The following SCAPER variants were observed in gnomAD, a reference collection of about 807,000 sequenced individuals.
SCAPER encodes S phase cyclin A-associated protein in the endoplasmic reticulum.
Under a neutral mutation model 182.2 loss-of-function variants are expected in SCAPER, and 98 were observed. The ratio of observed to expected loss-of-function variants is 0.54; its 90% CI spans 0.46 to 0.64. SCAPER has a LOEUF of 0.64. SCAPER is among the 30% of genes least tolerant of loss of function. The pLI, the probability that SCAPER is intolerant of heterozygous loss-of-function variation, is 0.00. For synonymous variants in SCAPER, 605 were observed against 564.6 expected, an observed-to-expected ratio of 1.07 and a Z score of -1.01; for missense variants, 1,432 against 1,690.0, an observed-to-expected ratio of 0.85 and a Z score of 2.68.
At chr15:76,675,376 T>C (rs763732135) in intron 20 of SCAPER, among the ~76,000 whole-genome samples, 13 of 152,180 alleles carry the variant, frequency 8.5e-5, no homozygotes, top group Non-Finnish European at 1.9e-4. Context: ...TGAAATCTGT[T>C]ATAAGGATAG....
intron 6 of SCAPER, 116 bp from the exon 7 acceptor site, chr15:76,800,480 C>T (rs2065695394): frequency 4.3e-6 from 3 of 691,172 alleles, no homozygotes; most frequent in East Asian, 2.7e-5. Flanking sequence ...ACAACAACAA[C>T]AAAAAGTCAC....
chr15:76,659,517 G>T (rs1365160232), intron 21 of SCAPER, among the ~76,000 whole-genome samples: 1 of 152,134 alleles, frequency 6.6e-6, no homozygotes. Flanking sequence ...CAATCCTCCT[G>T]CCACAGCCTC....
chr15:76,364,478 A>G (rs555285581), intron 29 of SCAPER, among the ~76,000 whole-genome samples: 1 of 152,164 alleles, frequency 6.6e-6, no homozygotes, highest in Non-Finnish European at 1.5e-5. Context: ...TGCTAAAGAA[A>G]CAAGGGCTTT....
At chr15:76,732,022 C>T (rs898699333) in intron 16 of SCAPER, among the ~76,000 whole-genome samples, 4 of 152,186 alleles carry the variant, frequency 2.6e-5, no homozygotes, top group African/African-American at 9.7e-5. Flanking sequence ...GCTGATGATT[C>T]TATTGCTATG....
chr15:76,505,807 C>G (rs553006574), intron 23 of SCAPER, among the ~76,000 whole-genome samples: 1 of 152,268 alleles, frequency 6.6e-6, no homozygotes, highest in Admixed American at 6.5e-5. Context: ...TTTACTACAG[C>G]ACTATTCACA....
intron 2 of SCAPER, among the ~76,000 whole-genome samples, chr15:76,873,007 TG>T (rs1253752966): frequency 6.7e-6 from 1 of 148,528 alleles, no homozygotes; most frequent in Admixed American, 6.9e-5. Flanking sequence ...CCCAACACTC[TG>T]GGAGACTAAG....
At chr15:76,393,996 T>C (rs1388728118) in intron 27 of SCAPER, among the ~76,000 whole-genome samples, 1 of 152,216 alleles carries the variant, frequency 6.6e-6, no homozygotes, top group South Asian at 2.1e-4. Context: ...TCTCCGTACC[T>C]TAAAAGAATT....
At chr15:76,652,964 C>G (rs944724090) in intron 21 of SCAPER, among the ~76,000 whole-genome samples, 6 of 151,980 alleles carry the variant, frequency 3.9e-5, no homozygotes, top group African/African-American at 1.2e-4. Flanking sequence ...GATTCTACAC[C>G]TAGGAAATCA....
At chr15:76,632,192 T>C (rs989164766) in intron 21 of SCAPER, among the ~76,000 whole-genome samples, 1 of 152,040 alleles carries the variant, frequency 6.6e-6, no homozygotes, top group African/African-American at 2.4e-5. Context: ...GGTAACGGTT[T>C]TTTGTTTGTT....
At position 76,838,650 on chromosome 15, in the gene SCAPER, A is replaced by G. The variant is rs572637881; in HGVS notation, c.393+3084T>C. Among the ~76,000 whole-genome samples, 5 of 152,326 alleles carry G rather than the reference A, an allele frequency of 3.3e-5. No homozygotes were observed. In the East Asian group the frequency reaches 9.6e-4, roughly 29 times the overall value. On this transcript the variant is annotated intron_variant, in intron 5 of 31. Transcript: ENST00000563290. Reference sequence around the variant, plus strand: ...CTCTAAGATGCAGGTGCCAGTCTCTATATCCAAAAGTGTCCCCAAGCCTCC... The same window carrying G: ...CTCTAAGATGCAGGTGCCAGTCTCTGTATCCAAAAGTGTCCCCAAGCCTCC...
chr15:76,425,472 C>A (rs56089215), intron 26 of SCAPER, among the ~76,000 whole-genome samples: 60,485 of 152,094 alleles, frequency 0.4, 14,361 homozygotes, highest in Middle Eastern at 0.55. Context: ...TCCATCAGGT[C>A]ACTTAAGGAC....
intron 29 of SCAPER, among the ~76,000 whole-genome samples, chr15:76,374,359 G>C (rs1324323299): frequency 6.6e-6 from 1 of 152,004 alleles, no homozygotes; most frequent in Non-Finnish European, 1.5e-5. Flanking sequence ...CTGCACTCTA[G>C]CCTGGGTGAC....
At chr15:76,652,276 ATATATATATATAT>A (rs1161219456) in intron 21 of SCAPER, among the ~76,000 whole-genome samples, 2 of 9,872 alleles carry the variant, frequency 2.0e-4, no homozygotes, top group African/African-American at 4.4e-4. Flanking sequence ...AAAAAAAAAT[ATATATATATATAT>A]ATATATATAT....
intron 22 of SCAPER, among the ~76,000 whole-genome samples, chr15:76,587,650 T>A (rs1247552418): frequency 6.6e-6 from 1 of 152,172 alleles, no homozygotes; most frequent in African/African-American, 2.4e-5. Flanking sequence ...ACAGAGTACA[T>A]GATATAATTT....
At chr15:76,759,003 A>G (rs1318623728) in intron 14 of SCAPER, among the ~76,000 whole-genome samples, 1 of 152,150 alleles carries the variant, frequency 6.6e-6, no homozygotes, top group Non-Finnish European at 1.5e-5. Context: ...AAGGTTTTCT[A>G]TATTTATGAT....
chr15:76,627,394 G>A (rs1405732058), intron 21 of SCAPER, among the ~76,000 whole-genome samples: 2 of 151,736 alleles, frequency 1.3e-5, no homozygotes, highest in East Asian at 3.9e-4. Flanking sequence ...CATCACCTAG[G>A]TATTAAGCCC....
intron 17 of SCAPER, among the ~76,000 whole-genome samples, chr15:76,710,682 T>C (rs796632925): frequency 3.5e-4 from 54 of 152,222 alleles, no homozygotes; most frequent in African/African-American, 1.3e-3. Context: ...TAAAATATTG[T>C]AAAGATGTCA....
intron 17 of SCAPER, among the ~76,000 whole-genome samples, chr15:76,726,439 A>G (rs1406210878): frequency 6.6e-6 from 1 of 151,658 alleles, no homozygotes; most frequent in Admixed American, 6.6e-5. Flanking sequence ...CTGCTATGAA[A>G]AACAGTAGGG....
At chr15:76,649,731 T>G (rs2054861056) in intron 21 of SCAPER, among the ~76,000 whole-genome samples, 1 of 149,472 alleles carries the variant, frequency 6.7e-6, no homozygotes, top group Admixed American at 6.7e-5. Context: ...GTTTAAGAGA[T>G]GAAAGAAAAA....
Sources: allele counts gnomAD v4.1 joint callset (sites outside exome capture counted in the v4.1 genomes callset), GRCh38; gene constraint gnomAD v4.1.1; transcripts MANE v1.5; gene names NCBI Gene and HGNC (gene_info 2026-07-23, HGNC 2026-07-21).